CNGB1: variants seen among roughly 807,000 people sequenced by gnomAD.
The protein encoded by CNGB1 is cyclic nucleotide gated channel subunit beta 1.
In CNGB1, 126 loss-of-function variants were observed where a neutral mutation model predicts 151.7. The ratio of observed to expected loss-of-function variants is 0.83; its 90% confidence interval spans 0.72 to 0.96. The LOEUF is 0.96. Ranked by LOEUF, CNGB1 falls within the 40% of genes least tolerant of loss-of-function variation. CNGB1 has a pLI of 0.00. For synonymous variants in CNGB1, 623 were observed against 635.1 expected, an observed-to-expected ratio of 0.98 and a Z score of 0.29; for missense variants, 1,698 against 1,627.0, an observed-to-expected ratio of 1.04 and a Z score of -0.75.
At chr16:57,964,624 A>C in intron 2 of CNGB1, 80 bp from the exon 3 acceptor site, 9 of 1,293,932 alleles carry the variant, frequency 7.0e-6, no homozygotes, top group Non-Finnish European at 1.0e-5. Context: ...TTCTCCCTCA[A>C]GGGATCCCTG....
chr16:57,884,069 G>T lies in CNGB1; in HGVS notation c.*95C>A. The stretch of plus-strand genomic sequence containing the variant: ...ACTACGGAAAAGCATCTTCTCTTGA[G>T]CCGTGGGGGAAGGTGGGGCGCTGGG... On this transcript the variant is annotated 3_prime_UTR_variant, in exon 33 of 33. Coordinates refer to ENST00000251102, the MANE Select transcript of CNGB1 (RefSeq NM_001297.5). 6.4e-7 allele frequency: 1 copy of T among 1,564,800 alleles called. No homozygotes were observed. The highest frequency in any genetic ancestry group is 1.3e-5 in the African/African-American group (1 of 74,132).
At position 57,967,158 on chromosome 16, in the gene CNGB1, A is replaced by G; in HGVS notation, c.129T>C (p.Pro43=). Reference sequence around the variant, plus strand: ...ACTCGGACTCTGTCTCGGCCTCCTCAGGATTCGGTTCTGGTTCCACCTCCG... The same window carrying G: ...ACTCGGACTCTGTCTCGGCCTCCTCGGGATTCGGTTCTGGTTCCACCTCCG... ...MEAEVEPEPN[P]EEAETESESM... is the part of the protein sequence containing the mutation. Residue 43 remains proline (P), a synonymous_variant, in exon 2 of 33, where the codon CCT becomes CCC. Coordinates refer to ENST00000251102, the MANE Select transcript of CNGB1 (RefSeq NM_001297.5). The G allele has an allele frequency of 1.2e-6, 2 of 1,614,108 alleles. No homozygotes were observed. Among genetic ancestry groups the G allele is most frequent in the Non-Finnish European group, 1.7e-6 (2 of 1,180,018 alleles).
intron 10 of CNGB1, among the ~76,000 whole-genome samples, chr16:57,959,601 CAAAA>C (rs1229823953): frequency 8.8e-5 from 7 of 79,202 alleles, no homozygotes; most frequent in Non-Finnish European, 1.8e-4. Flanking sequence ...GACTCGGTCT[CAAAA>C]AAACAAACAA....
chr16:57,965,566 C>T (rs139307952), intron 2 of CNGB1, among the ~76,000 whole-genome samples: 59 of 152,228 alleles, frequency 3.9e-4, no homozygotes, highest in African/African-American at 1.4e-3. Flanking sequence ...CATATACACA[C>T]AGATTTCTGC....
In CNGB1 at chr16:57,887,977, C is replaced by T. The variant is rs200242407; in HGVS notation, c.3340G>A (p.Ala1114Thr). The T allele has an allele frequency of 4.3e-4, 688 of 1,614,144 alleles. 2 individuals are homozygous for T. In the African/African-American group the frequency reaches 7.9e-3, roughly 19 times the overall value. The change falls in exon 32 of 33, where the codon GCT (alanine) becomes ACT (threonine). Residue 1114 changes from alanine (A) to threonine (T), a missense_variant. Coordinates refer to ENST00000251102, the MANE Select transcript of CNGB1 (RefSeq NM_001297.5). ...TTGCCACCCATCTTTCCTGTCATAG[C>T]GAGGGCAGCGTTGAAGAGCTTTGGG... is the stretch of plus-strand genomic sequence containing the variant. ...GTPKLFNAAL[A>T]MTGKMGGKGA...
intron 2 of CNGB1, among the ~76,000 whole-genome samples, chr16:57,965,380 C>T (rs1430235354): frequency 6.6e-6 from 1 of 152,218 alleles, no homozygotes; most frequent in Non-Finnish European, 1.5e-5. Flanking sequence ...TACACACATG[C>T]ATTCATACAG....
intron 12 of CNGB1, among the ~76,000 whole-genome samples, chr16:57,956,529 A>C (rs1483308769): frequency 2.0e-5 from 3 of 152,126 alleles, no homozygotes; most frequent in African/African-American, 7.2e-5. Context: ...CCATCAGACT[A>C]GCGGGGCTGG....
Position 57,887,939 on chromosome 16 carries a change from G to T in CNGB1, c.3378C>A (p.Gly1126=). 6.2e-7 allele frequency: 1 copy of T among 1,614,180 alleles called. No individual in the cohort carries two copies. Among genetic ancestry groups the T allele is most frequent in the Non-Finnish European group, 8.5e-7 (1 of 1,180,034 alleles). Residue 1126 remains glycine (G), a synonymous_variant, in exon 32 of 33, where the codon GGC becomes GGA. Coordinates refer to ENST00000251102, the MANE Select transcript of CNGB1 (RefSeq NM_001297.5). ...GGGCCCGGAGGTGAGCAAGTTTGCC[G>T]CCTTTTGCCCCCTTGCCACCCATCT... ...TGKMGGKGAK[G]GKLAHLRARL...
chr16:57,908,721 G>A (rs115620432), intron 25 of CNGB1, among the ~76,000 whole-genome samples: 1,809 of 152,252 alleles, frequency 0.012, 30 homozygotes, highest in African/African-American at 0.041. Flanking sequence ...TCAAGCCTCC[G>A]CTCTGACTCT....
chr16:57,949,429 G>C lies in CNGB1; in HGVS notation c.1045C>G (p.Arg349Gly). ...AVEKMPRELSRIEEEKEDEEE... is the reference protein window; with the variant it reads ...AVEKMPRELSGIEEEKEDEEE... ...TCATCTTCTTTCTCCTCTTCAATCC[G>C]GGACAGCTCTCTGAGTTGGGGTTAG... is the stretch of plus-strand genomic sequence containing the variant. Residue 349 changes from arginine (R) to glycine (G), a missense_variant, in exon 14 of 33, where the codon CGG (arginine) becomes GGG (glycine). Physicochemically the swap from Arg to Gly is moderately radical, Grantham distance 125 (BLOSUM62 -2). Coordinates refer to ENST00000251102, the MANE Select transcript of CNGB1 (RefSeq NM_001297.5). The C allele has an allele frequency of 6.2e-7, 1 of 1,613,484 alleles. No individual in the cohort carries two copies. Among genetic ancestry groups the C allele is most frequent in the Non-Finnish European group, 8.5e-7 (1 of 1,179,978 alleles).
chr16:57,954,956 C>T, intron 12 of CNGB1: 1 of 1,086,734 alleles, frequency 9.2e-7, no homozygotes, highest in Non-Finnish European at 1.1e-6. Flanking sequence ...ACTGTGTTGC[C>T]CACGGTGGTC....
rs1043559465 is a variant in CNGB1 at position 57,959,917 on chromosome 16, G to A, written c.732C>T (p.Ser244=). The change falls in exon 10 of 33, where the codon TCC becomes TCT. Residue 244 remains serine, a synonymous_variant. Coordinates refer to ENST00000251102, the MANE Select transcript of CNGB1 (RefSeq NM_001297.5). ...EPQPGSQAQT[S]SLPPTRDPAR... ...CAGGGTCCCTGGTTGGTGGCAGGGA[G>A]GAGGTCTGGGCCTGGGAGCCGGGCT... 17 of 1,564,694 alleles carry A rather than the reference G, an allele frequency of 1.1e-5. No homozygotes were observed. Among genetic ancestry groups the A allele is most frequent in the African/African-American group, 1.4e-5 (1 of 73,884 alleles).
intron 16 of CNGB1, among the ~76,000 whole-genome samples, chr16:57,936,675 C>T (rs369349332): frequency 1.7e-3 from 257 of 152,094 alleles, no homozygotes; most frequent in African/African-American, 6.0e-3. Flanking sequence ...GCCTGTAATC[C>T]CAGCTACTCG....
intron 24 of CNGB1, 47 bp downstream of exon 24, chr16:57,912,883 G>C: frequency 6.3e-7 from 1 of 1,579,258 alleles, no homozygotes; most frequent in Non-Finnish European, 8.7e-7. Flanking sequence ...GTGTGTTTGT[G>C]AGTGTCATGT....
At chr16:57,909,945 G>A (rs928845685) in intron 25 of CNGB1, among the ~76,000 whole-genome samples, 5 of 152,242 alleles carry the variant, frequency 3.3e-5, no homozygotes, top group African/African-American at 1.2e-4. Flanking sequence ...TGTGATGGTT[G>A]TGAATTACTG....
intron 27 of CNGB1, 125 bp downstream of exon 27, chr16:57,903,697 A>C (rs936696536): frequency 8.3e-7 from 1 of 1,200,420 alleles, no homozygotes; most frequent in Non-Finnish European, 1.2e-6. Flanking sequence ...CAGCCAAGAC[A>C]GGCCCCAGTA....
At position 57,915,855 on chromosome 16, in the gene CNGB1, AC is replaced by A. The variant is rs200363898; in HGVS notation, c.2217+273del. Among the ~76,000 whole-genome samples the A allele has an allele frequency of 2.3e-3, 338 of 150,004 alleles. 4 individuals are homozygous for A. In the East Asian group the frequency reaches 0.058, roughly 26 times the overall value. On this transcript the variant is annotated intron_variant, in intron 22 of 32. Transcript: ENST00000251102. ...AGAGGTTGCAGTGAGCCGAGATCACACCACTGAACTCCAGCCTGGGAGACAG... is the reference window on the plus strand; with the variant it reads ...AGAGGTTGCAGTGAGCCGAGATCACACACTGAACTCCAGCCTGGGAGACAG...
At position 57,898,193 on chromosome 16, in the gene CNGB1, G is replaced by C. The variant is rs553349660; in HGVS notation, c.2977-279C>G. ...TGATGTCATGGAATGGGAAGTGCCA[G>C]CTAACCTGGGAGGTGCAGGTATAAT... On this transcript the variant is annotated intron_variant, in intron 29 of 32. Coordinates refer to ENST00000251102, the MANE Select transcript of CNGB1 (RefSeq NM_001297.5). Among the ~76,000 whole-genome samples the C allele has an allele frequency of 3.3e-5, 5 of 152,302 alleles. No individual in the cohort carries two copies. In the East Asian group the frequency reaches 9.7e-4, roughly 29 times the overall value.
intron 14 of CNGB1, among the ~76,000 whole-genome samples, chr16:57,948,407 G>A (rs150890960): frequency 0.015 from 2,239 of 150,824 alleles, 62 homozygotes; most frequent in African/African-American, 0.052. Context: ...CACCCACCTC[G>A]GCCTCCCAGA....
Sources: gnomAD v4.1 joint callset for allele counts (sites outside exome capture counted in the v4.1 genomes callset) on GRCh38, gnomAD v4.1.1 for gene constraint, MANE v1.5 for transcripts, NCBI Gene and HGNC (gene_info 2026-07-23, HGNC 2026-07-21) for gene names.